PPP1R1B: variants seen among roughly 807,000 people sequenced by gnomAD.
PPP1R1B encodes the protein protein phosphatase 1 regulatory subunit 1B.
Under a neutral mutation model 28.2 loss-of-function variants are expected in PPP1R1B, and 13 were observed. The observed-to-expected ratio is 0.46, with a 90% CI of 0.30 to 0.73. The LOEUF is 0.73. Ranked by LOEUF, PPP1R1B falls within the 30% of genes least tolerant of loss-of-function variation. The pLI, the probability that PPP1R1B is intolerant of heterozygous loss-of-function variation, is 0.07. For missense variants in PPP1R1B, 236 were observed against 256.7 expected (o/e 0.92, Z 0.55); for synonymous variants, 102 against 97.5 (o/e 1.05, Z -0.27).
chr17:39,630,824 C>T (rs1427631077), intron 4 of PPP1R1B, among the ~76,000 whole-genome samples: 1 of 152,200 alleles, frequency 6.6e-6, no homozygotes, highest in Non-Finnish European at 1.5e-5. Flanking sequence ...AATCCCAGCA[C>T]TTTGGGAGGC....
chr17:39,635,528 C>T, intron 5 of PPP1R1B, 79 bp from the exon 6 acceptor site: 1 of 1,544,624 alleles, frequency 6.5e-7, no homozygotes, highest in Admixed American at 1.9e-5. Context: ...CCTCAGCCAT[C>T]AGACACTTAG....
At chr17:39,629,923 A>T in intron 3 of PPP1R1B, 49 bp from the exon 4 acceptor site, 1 of 1,563,594 alleles carries the variant, frequency 6.4e-7, no homozygotes. Context: ...GGGATGGTGA[A>T]GGCAAGGGCC....
At chr17:39,630,657 C>T (rs2144839421) in intron 4 of PPP1R1B, among the ~76,000 whole-genome samples, 1 of 152,350 alleles carries the variant, frequency 6.6e-6, no homozygotes, top group Non-Finnish European at 1.5e-5. Flanking sequence ...AGTAAGGTGG[C>T]TCACACCTGA....
Position 39,633,876 on chromosome 17 carries a change from G to T in PPP1R1B, c.242-7G>T, listed in dbSNP as rs763002954. 2.5e-6 allele frequency: 4 copies of T among 1,613,400 alleles called. No individual in the cohort carries two copies. The South Asian group carries it at 4.4e-5, about 18-fold the overall frequency. The stretch of plus-strand genomic sequence containing the variant: ...ACCCTTGCTTTCCTCGGTCTCCTCT[G>T]TGCCAGCTGTGCAGCGCATTGCTGA... On this transcript the variant is annotated splice_polypyrimidine_tract_variant and splice_region_variant and intron_variant, in intron 4 of 6. Coordinates refer to ENST00000254079, the MANE Select transcript of PPP1R1B (RefSeq NM_032192.4).
chr17:39,634,134 G>A lies in PPP1R1B; in HGVS notation c.445+48G>A, dbSNP rs1269561240. The A allele has an allele frequency of 5.0e-6, 8 of 1,606,990 alleles. No homozygotes were observed. The African/African-American group carries it at 5.3e-5, about 11-fold the overall frequency. On this transcript the variant is annotated intron_variant, in intron 5 of 6. Transcript: ENST00000254079. Reference sequence around the variant, plus strand: ...TGTGGATTAGCTGTGGGTCCTCCTTGAGTATACGAGGACGTCCCCTTCTAG... The same window carrying A: ...TGTGGATTAGCTGTGGGTCCTCCTTAAGTATACGAGGACGTCCCCTTCTAG...
intron 2 of PPP1R1B, 119 bp from the exon 3 acceptor site, chr17:39,629,421 T>G: frequency 1.4e-6 from 2 of 1,410,608 alleles, no homozygotes; most frequent in Non-Finnish European, 2.0e-6. Context: ...AGGGCACACT[T>G]TCCCTGTCCC....
Position 39,634,103 on chromosome 17 carries a change from G to A in PPP1R1B, c.445+17G>A. The A allele has an allele frequency of 6.2e-7, 1 of 1,613,226 alleles. No homozygotes were observed. Among genetic ancestry groups the A allele is most frequent in the Middle Eastern group, 1.7e-4 (1 of 5,782 alleles). ...GGCAGTCTGGTAAGCTGAGGGGCCT[G>A]TGACATGTGGATTAGCTGTGGGTCC... On this transcript the variant is annotated intron_variant, in intron 5 of 6. Transcript: ENST00000254079.
At chr17:39,634,147 C>T (rs758619382) in intron 5 of PPP1R1B, 61 bp downstream of exon 5, 17 of 1,598,374 alleles carry the variant, frequency 1.1e-5, no homozygotes, top group African/African-American at 4.0e-5. Flanking sequence ...TATACGAGGA[C>T]GTCCCCTTCT....
rs2056843163 is a variant in PPP1R1B at position 39,627,129 on chromosome 17, A to C, written c.-264A>C. 23 of 429,448 alleles carry C rather than the reference A, an allele frequency of 5.4e-5. No homozygotes were observed. In the East Asian group the frequency reaches 8.5e-4, roughly 16 times the overall value. The allele number at this position is 429,448 out of a possible 1,614,324, so 26.6% of individuals were successfully genotyped here. On this transcript the variant is annotated 5_prime_UTR_variant, in exon 1 of 7. Coordinates refer to ENST00000254079, the MANE Select transcript of PPP1R1B (RefSeq NM_032192.4). The stretch of plus-strand genomic sequence containing the variant: ...AGAGACACCCAGGCCGGGGAGCGCG[A>C]GGGAGCGAGGCACAGACCTGGCTCA...
intron 4 of PPP1R1B, chr17:39,630,267 G>C (rs940332200): frequency 2.2e-5 from 12 of 545,368 alleles, no homozygotes; most frequent in Non-Finnish European, 4.0e-5. Context: ...CCTTAACATC[G>C]GGTTGTGGGC....
chr17:39,634,193 C>T lies in PPP1R1B; in HGVS notation c.445+107C>T, dbSNP rs564927757. 28 of 1,396,790 alleles carry T rather than the reference C, an allele frequency of 2.0e-5. No homozygotes were observed. The South Asian group carries it at 3.5e-4, about 17-fold the overall frequency. 86.5% of individuals were successfully genotyped at this position (1,396,790 alleles called of 1,614,324 possible). ...CTCATACACGCAAACTGTAGTGACA[C>T]CACAGGGGCCTCCCTGTCTTCTCGC... On this transcript the variant is annotated intron_variant, in intron 5 of 6. Transcript: ENST00000254079.
rs1269787724 is a variant in PPP1R1B at position 39,630,056 on chromosome 17, C to A, written c.241+9C>A. 3 of 1,613,384 alleles carry A rather than the reference C, an allele frequency of 1.9e-6. No individual in the cohort carries two copies. Among genetic ancestry groups the A allele is most frequent in the Admixed American group, 1.7e-5 (1 of 60,024 alleles). ...ACCACCTTCGCTGAAAGGTACTATA[C>A]CCCCACCGACCTTCCTGGCTGTCCG... On this transcript the variant is annotated intron_variant, in intron 4 of 6. Transcript: ENST00000254079.
intron 4 of PPP1R1B, chr17:39,633,622 T>G: frequency 2.3e-6 from 1 of 431,532 alleles, no homozygotes. Flanking sequence ...TGCCCTATGG[T>G]GTGGGGGAGC....
rs1255615418 is a variant in PPP1R1B at position 39,629,483 on chromosome 17, CTT to C, written c.143-56_143-55del. ...ACTCGGATTCTTTCTCTCTCTCCCT[CTT>C]CTCTTTTCCTCCTCGCTTGGTTCTG... is the stretch of plus-strand genomic sequence containing the variant. On this transcript the variant is annotated intron_variant, in intron 2 of 6. Coordinates refer to ENST00000254079, the MANE Select transcript of PPP1R1B (RefSeq NM_032192.4). The C allele has an allele frequency of 2.5e-6, 4 of 1,606,934 alleles. No individual in the cohort carries two copies. In the Admixed American group the frequency reaches 6.7e-5, roughly 27 times the overall value.
chr17:39,632,529 G>A lies in PPP1R1B; in HGVS notation c.242-1354G>A, dbSNP rs1157445279. ...AAGGGAAGGTGCCCGGCAGGGTTGGGGCTTGTCAGGGAAGAATCGAGGGCC... is the reference window on the plus strand; with the variant it reads ...AAGGGAAGGTGCCCGGCAGGGTTGGAGCTTGTCAGGGAAGAATCGAGGGCC... On this transcript the variant is annotated intron_variant, in intron 4 of 6. Transcript: ENST00000254079. 3 of 152,446 alleles carry A rather than the reference G, an allele frequency of 2.0e-5. No individual in the cohort carries two copies. The East Asian group carries it at 5.8e-4, about 29-fold the overall frequency. The allele number at this position is 152,446 out of a possible 1,614,324, so 9.4% of individuals were successfully genotyped here.
intron 5 of PPP1R1B, 125 bp downstream of exon 5, chr17:39,634,211 C>A (rs979394340): frequency 2.4e-6 from 3 of 1,234,428 alleles, no homozygotes; most frequent in Non-Finnish European, 3.4e-6. Context: ...GCCTCCCTGT[C>A]TTCTCGCTCC....
rs734645 is a variant in PPP1R1B, at chr17:39,636,040, A to G, written c.*175A>G. 35,311 of 692,576 alleles carry G rather than the reference A, an allele frequency of 0.051. 2,581 individuals are homozygous for G. Among genetic ancestry groups the G allele is most frequent in the African/African-American group, 0.28 (15,288 of 55,394 alleles). The allele number at this position is 692,576 out of a possible 1,614,324, so 42.9% of individuals were successfully genotyped here. The stretch of plus-strand genomic sequence containing the variant: ...GCTTGTTTGCCCACCTTTGGCTGAT[A>G]CCCAGAGAACCTGGGCACTTGCTGC... On this transcript the variant is annotated 3_prime_UTR_variant, in exon 7 of 7. Transcript: ENST00000254079.
chr17:39,629,901 G>A (rs1408411763), intron 3 of PPP1R1B, 71 bp from the exon 4 acceptor site: 1 of 1,453,636 alleles, frequency 6.9e-7, no homozygotes. Context: ...GCCATGGGTG[G>A]GATGGAATGG....
rs1465415955 is a variant in PPP1R1B, at chr17:39,635,826, G to A, written c.576G>A (p.Glu192=). The A allele has an allele frequency of 1.2e-6, 2 of 1,613,934 alleles. No homozygotes were observed. Among genetic ancestry groups the A allele is most frequent in the African/African-American group, 1.3e-5 (1 of 75,046 alleles). The change falls in exon 7 of 7, where the codon GAG becomes GAA. Residue 192 remains glutamate (E), a synonymous_variant. Transcript: ENST00000254079. ...VEDPALSEPG[E]EPQRPSPSEP... ...CTGCTTGCCTTTCAGAGCCTGGGGAGGAACCTCAGCGCCCTTCCCCCTCTG... is the reference window on the plus strand; with the variant it reads ...CTGCTTGCCTTTCAGAGCCTGGGGAAGAACCTCAGCGCCCTTCCCCCTCTG...
Sources: gnomAD v4.1 joint callset for allele counts (sites outside exome capture counted in the v4.1 genomes callset) on GRCh38, gnomAD v4.1.1 for gene constraint, MANE v1.5 for transcripts, NCBI Gene and HGNC (gene_info 2026-07-23, HGNC 2026-07-21) for gene names.